Variants in TENT4B observed in about 807,000 individuals in gnomAD.
The protein encoded by TENT4B is terminal nucleotidyltransferase 4B, also known as PAP associated domain containing 5.
In TENT4B, 10 loss-of-function variants were observed where a neutral mutation model predicts 75.0. The observed-to-expected ratio is 0.13, with a 90% CI of 0.08 to 0.23. TENT4B has a LOEUF of 0.23. Ranked by LOEUF, TENT4B falls within the 10% of genes least tolerant of loss-of-function variation. The pLI is 1.00. For synonymous variants in TENT4B, 350 were observed against 357.7 expected (o/e 0.98, Z 0.24); for missense variants, 579 against 893.8 (o/e 0.65, Z 4.49).
intron 1 of TENT4B, among the ~76,000 whole-genome samples, chr16:50,199,416 C>T (rs966118282): frequency 6.6e-6 from 1 of 152,194 alleles, no homozygotes; most frequent in South Asian, 2.1e-4. Context: ...GGGGACAGGC[C>T]ATTGGGCATA....
intron 1 of TENT4B, among the ~76,000 whole-genome samples, chr16:50,186,925 T>G (rs77594408): frequency 0.026 from 3,907 of 152,122 alleles, 53 homozygotes; most frequent in South Asian, 0.05. Flanking sequence ...TTTTAATTTT[T>G]AATTTTTTTA....
intron 1 of TENT4B, among the ~76,000 whole-genome samples, chr16:50,198,069 A>G (rs1191135411): frequency 6.6e-6 from 1 of 151,910 alleles, no homozygotes; most frequent in African/African-American, 2.4e-5. Context: ...CTTGGCTACA[A>G]AATAAACACA....
upstream of TENT4B, chr16:50,153,102 G>A (rs989539647): frequency 2.0e-4 from 265 of 1,292,780 alleles, no homozygotes; most frequent in Non-Finnish European, 2.4e-4. Context: ...GTCGCGCCGC[G>A]GCCTCTGTGA....
In TENT4B at chr16:50,223,271, A is replaced by T; in HGVS notation, c.1265A>T (p.Lys422Met). The T allele has an allele frequency of 6.2e-7, 1 of 1,613,808 alleles. No individual in the cohort carries two copies. Among genetic ancestry groups the T allele is most frequent in the Non-Finnish European group, 8.5e-7 (1 of 1,179,726 alleles). ...ELYGRHFNYL[K>M]TGIRIKDGGS... ...TATGGACGACACTTCAATTATTTAA[A>T]GACTGGCATCCGGATAAAGGATGGT... Residue 422 changes from lysine to methionine, a missense_variant, in exon 7 of 12, where the codon AAG becomes ATG. Lys to Met is a moderately conservative substitution (Grantham distance 95). Coordinates refer to ENST00000561678, the MANE Select transcript of TENT4B (RefSeq NM_001365324.3).
chr16:50,229,260 A>T lies in TENT4B; in HGVS notation c.2074A>T (p.Asn692Tyr), dbSNP rs777300988. The T allele has an allele frequency of 1.2e-6, 2 of 1,613,998 alleles. No homozygotes were observed. Among genetic ancestry groups the T allele is most frequent in the Non-Finnish European group, 1.7e-6 (2 of 1,179,896 alleles). ...TNKQHQGKSN[N>Y]QYYHGKKRKH... ...CAAACAACATCAAGGCAAATCCAATAATCAGTATTACCATGGCAAAAAGAG... is the reference window on the plus strand; with the variant it reads ...CAAACAACATCAAGGCAAATCCAATTATCAGTATTACCATGGCAAAAAGAG... The change falls in exon 12 of 12, where the codon AAT becomes TAT. Residue 692 changes from asparagine (N) to tyrosine (Y), a missense_variant. Transcript: ENST00000561678.
rs1206198221 is a variant in TENT4B at position 50,232,117 on chromosome 16, G to T, written c.*2789G>T. 4.8e-5 allele frequency: 47 copies of T among 985,398 alleles called. No homozygotes were observed. The Admixed American group carries it at 2.8e-3, about 58-fold the overall frequency. 61.0% of individuals were successfully genotyped at this position (985,398 alleles called of 1,614,324 possible). A position where few individuals can be genotyped will look rare whatever the true frequency, so the allele number is the denominator to read the frequency against. ...GACTGTTTTTTAGAGGAGCTGATGGGTTGGTGAGGTGTCAGCACAAAATCT... is the reference window on the plus strand; with the variant it reads ...GACTGTTTTTTAGAGGAGCTGATGGTTTGGTGAGGTGTCAGCACAAAATCT... On this transcript the variant is annotated 3_prime_UTR_variant, in exon 12 of 12. Coordinates refer to ENST00000561678, the MANE Select transcript of TENT4B (RefSeq NM_001365324.3).
At chr16:50,201,654 C>T (rs1479292708) in intron 1 of TENT4B, among the ~76,000 whole-genome samples, 4 of 151,796 alleles carry the variant, frequency 2.6e-5, no homozygotes, top group East Asian at 1.9e-4. Flanking sequence ...ACCAGCCTGG[C>T]GAACATGGCG....
chr16:50,171,039 C>G (rs1010680190), intron 1 of TENT4B, among the ~76,000 whole-genome samples: 2 of 151,648 alleles, frequency 1.3e-5, no homozygotes, highest in Non-Finnish European at 2.9e-5. Context: ...TCAAGCCGTC[C>G]TCCTACCTTA....
At position 50,229,172 on chromosome 16, in the gene TENT4B, T is replaced by C; in HGVS notation, c.1986T>C (p.Phe662=). ...TGCAGCATGGATCAGCAAGGCTCTT[T>C]CGTTCTTCCAGCAAAGGCTTCCAAG... ...NKSQHGSARL[F]RSSSKGFQGT... The change falls in exon 12 of 12, where the codon TTT becomes TTC. Residue 662 remains phenylalanine (F), a synonymous_variant. Coordinates refer to ENST00000561678, the MANE Select transcript of TENT4B (RefSeq NM_001365324.3). 3.1e-6 allele frequency: 5 copies of C among 1,613,860 alleles called. No homozygotes were observed. The highest frequency in any genetic ancestry group is 3.4e-6 in the Non-Finnish European group (4 of 1,179,822).
At chr16:50,176,787 G>A (rs1210352053) in intron 1 of TENT4B, among the ~76,000 whole-genome samples, 4 of 152,082 alleles carry the variant, frequency 2.6e-5, no homozygotes, top group African/African-American at 7.2e-5. Flanking sequence ...GATTACAGGA[G>A]TGAGCCACTG....
intron 10 of TENT4B, among the ~76,000 whole-genome samples, chr16:50,226,121 T>A (rs766597031): frequency 9.2e-5 from 14 of 151,982 alleles, no homozygotes; most frequent in Admixed American, 2.0e-4. Context: ...TGCCTCAGCC[T>A]CCTGAGTATC....
At chr16:50,173,260 C>T (rs2038240786) in intron 1 of TENT4B, among the ~76,000 whole-genome samples, 2 of 151,916 alleles carry the variant, frequency 1.3e-5, no homozygotes, top group Admixed American at 6.6e-5. Flanking sequence ...TTTTTTTGTA[C>T]TGCTGAATAA....
At position 50,230,685 on chromosome 16, in the gene TENT4B, G is replaced by T. The variant is rs932843150; in HGVS notation, c.*1357G>T. 1.0e-6 allele frequency: 1 copy of T among 985,092 alleles called. No individual in the cohort carries two copies. The highest frequency in any genetic ancestry group is 1.8e-5 in the African/African-American group (1 of 57,090). The allele number at this position is 985,092 out of a possible 1,614,324, so 61.0% of individuals were successfully genotyped here. ...GTTAATTAAAACTTTTTTAAACATT[G>T]GCTTGTTTCAATCATACTGTAAATT... On this transcript the variant is annotated 3_prime_UTR_variant, in exon 12 of 12. Transcript: ENST00000561678.
intron 1 of TENT4B, among the ~76,000 whole-genome samples, chr16:50,171,951 G>A (rs560352510): frequency 1.3e-5 from 2 of 151,990 alleles, no homozygotes; most frequent in African/African-American, 4.8e-5. Flanking sequence ...CGCAGCAGAG[G>A]TTGCAGTGAG....
At chr16:50,196,147 A>T (rs900409573) in intron 1 of TENT4B, among the ~76,000 whole-genome samples, 5 of 152,212 alleles carry the variant, frequency 3.3e-5, no homozygotes, top group Non-Finnish European at 7.3e-5. Context: ...GGGATTTGAT[A>T]AGATGAAACA....
intron 1 of TENT4B, among the ~76,000 whole-genome samples, chr16:50,177,371 G>T (rs1433198791): frequency 6.6e-6 from 1 of 152,102 alleles, no homozygotes; most frequent in Non-Finnish European, 1.5e-5. Context: ...GGTGCCTTTT[G>T]CTTTAGAAGG....
chr16:50,228,411 C>T (rs2032151519), intron 11 of TENT4B, among the ~76,000 whole-genome samples: 1 of 152,192 alleles, frequency 6.6e-6, no homozygotes, highest in Non-Finnish European at 1.5e-5. Flanking sequence ...GATCAGCTGG[C>T]TGTCAGGCGT....
At chr16:50,155,273 GT>G (rs1233142660) in intron 1 of TENT4B, among the ~76,000 whole-genome samples, 684 of 2,320 alleles carry the variant, frequency 0.29, 4 homozygotes, top group African/African-American at 0.38. Context: ...GGTCTCGTGG[GT>G]GTGTGTGTGT....
intron 1 of TENT4B, among the ~76,000 whole-genome samples, chr16:50,194,912 C>G (rs1213785963): frequency 1.3e-5 from 2 of 151,964 alleles, no homozygotes; most frequent in Admixed American, 1.3e-4. Context: ...CCATGCCCGG[C>G]TAATTTTTTG....
Sources: gnomAD v4.1 joint callset for allele counts (sites outside exome capture counted in the v4.1 genomes callset) on GRCh38, gnomAD v4.1.1 for gene constraint, MANE v1.5 for transcripts, NCBI Gene and HGNC (gene_info 2026-07-23, HGNC 2026-07-21) for gene names.